The following SLC26A7 variants were observed in gnomAD, a reference collection of about 807,000 sequenced individuals.
SLC26A7 encodes the protein solute carrier family 26 member 7.
Under a neutral mutation model 82.5 loss-of-function variants are expected in SLC26A7, and 59 were observed. The ratio of observed to expected loss-of-function variants is 0.72; its 90% CI spans 0.58 to 0.89. The LOEUF (loss-of-function observed/expected upper bound fraction) is 0.89. Among genes scored for constraint, SLC26A7 ranks in the 40% least tolerant of loss-of-function variants. SLC26A7 has a pLI of 0.00. For synonymous variants in SLC26A7, 271 were observed against 274.3 expected, an observed-to-expected ratio of 0.99 and a Z score of 0.12; for missense variants, 820 against 793.0, an observed-to-expected ratio of 1.03 and a Z score of -0.41.
At chr8:91,226,507 GCTT>G (rs1810241790) in intron 2 of SLC26A7, among the ~76,000 whole-genome samples, 1 of 152,064 alleles carries the variant, frequency 6.6e-6, no homozygotes, top group East Asian at 1.9e-4. Flanking sequence ...TATAATAATG[GCTT>G]CTTATGATTA....
rs113443959 is a variant in SLC26A7, at chr8:91,286,602, G to C, written c.194-2534G>C. On this transcript the variant is annotated intron_variant, in intron 2 of 18. Transcript: ENST00000276609. ...AGATTAAGTTACATAAGTATCTGTC[G>C]GCATTTGCAATATTTTTCCCCGAAA... Among the ~76,000 whole-genome samples, 212 of 152,080 alleles carry C rather than the reference G, an allele frequency of 1.4e-3. 2 individuals carry two copies. The highest frequency in any genetic ancestry group is 5.0e-3 in the African/African-American group (209 of 41,462).
At chr8:91,286,941 T>C (rs552997735) in intron 2 of SLC26A7, among the ~76,000 whole-genome samples, 3 of 152,296 alleles carry the variant, frequency 2.0e-5, no homozygotes, top group African/African-American at 7.2e-5. Flanking sequence ...TTGTAGTTCT[T>C]ATTTGTGGAA....
In SLC26A7 at chr8:91,325,064, T is replaced by C. The variant is rs1357950524; in HGVS notation, c.642+6684T>C. Among the ~76,000 whole-genome samples the C allele has an allele frequency of 7.2e-5, 11 of 152,314 alleles. No individual in the cohort carries two copies. In the East Asian group the frequency reaches 2.1e-3, roughly 29 times the overall value. On this transcript the variant is annotated intron_variant, in intron 5 of 18. Coordinates refer to ENST00000276609, the MANE Select transcript of SLC26A7 (RefSeq NM_052832.4). Reference sequence around the variant, plus strand: ...GAGGTTTGGCTACAAGACCAGACCCTACTCTTGTTTTATATGTGTAGCTGG... The same window carrying C: ...GAGGTTTGGCTACAAGACCAGACCCCACTCTTGTTTTATATGTGTAGCTGG...
chr8:91,289,320 C>T (rs1291169413), intron 3 of SLC26A7, 74 bp downstream of exon 3: 11 of 1,161,110 alleles, frequency 9.5e-6, no homozygotes, highest in Non-Finnish European at 1.4e-5. Context: ...ATTACATCTC[C>T]TTAGCAGTGT....
chr8:91,237,548 T>C lies in SLC26A7; in HGVS notation c.-33-12071T>C, dbSNP rs1159277187. Reference sequence around the variant, plus strand: ...CTGTAATCAGTGCCCTTTATCCCTTTACTTCTTACCTCTTTCCAGACTTGC... The same window carrying C: ...CTGTAATCAGTGCCCTTTATCCCTTCACTTCTTACCTCTTTCCAGACTTGC... On this transcript the variant is annotated intron_variant, in intron 2 of 5. Coordinates refer to the SLC26A7 transcript ENST00000522862. 2.6e-5 allele frequency among the ~76,000 whole-genome samples: 4 copies of C among 152,176 alleles called. No individual in the cohort carries two copies. In the East Asian group the frequency reaches 5.8e-4, roughly 22 times the overall value.
At chr8:91,310,029 AAGCTGCTGATCACC>A (rs1168506520) in intron 4 of SLC26A7, among the ~76,000 whole-genome samples, 1 of 152,126 alleles carries the variant, frequency 6.6e-6, no homozygotes, top group Admixed American at 6.5e-5. Flanking sequence ...TATTAGCGAG[AAGCTGCTGATCACC>A]AGTGTCAGGT....
At chr8:91,316,393 C>T (rs1362842019) in intron 4 of SLC26A7, among the ~76,000 whole-genome samples, 2 of 150,872 alleles carry the variant, frequency 1.3e-5, no homozygotes, top group Non-Finnish European at 2.9e-5. Flanking sequence ...GGCCATCCTT[C>T]CACCTCAGCC....
upstream of SLC26A7, among the ~76,000 whole-genome samples, chr8:91,245,533 T>G (rs1810533485): frequency 6.6e-6 from 1 of 152,150 alleles, no homozygotes; most frequent in African/African-American, 2.4e-5. Context: ...TGGGAGCCTT[T>G]TACAGTGTCT....
intron 9 of SLC26A7, chr8:91,348,191 T>C: frequency 2.8e-6 from 1 of 352,464 alleles, no homozygotes; most frequent in Non-Finnish European, 4.0e-6. Context: ...ATTGCTTTCA[T>C]CTCCTTTAAA....
At chr8:91,345,291 A>T (rs74878646) in intron 9 of SLC26A7, among the ~76,000 whole-genome samples, 4,330 of 152,156 alleles carry the variant, frequency 0.028, 208 homozygotes, top group African/African-American at 0.099. Flanking sequence ...GAGTGAATGT[A>T]TTAGGTTTCT....
chr8:91,357,958 T>C (rs7816678), intron 11 of SLC26A7, among the ~76,000 whole-genome samples: 68,829 of 151,974 alleles, frequency 0.45, 17,188 homozygotes, highest in African/African-American at 0.65. Context: ...AGGACATGAA[T>C]AGACACTTCT....
chr8:91,290,838 C>A (rs1050507550), intron 3 of SLC26A7, among the ~76,000 whole-genome samples: 1 of 152,080 alleles, frequency 6.6e-6, no homozygotes. Flanking sequence ...CTTTTTAAAT[C>A]AATTAATTTT....
At chr8:91,386,096 A>G (rs1361169299) in intron 15 of SLC26A7, among the ~76,000 whole-genome samples, 1 of 152,144 alleles carries the variant, frequency 6.6e-6, no homozygotes, top group Non-Finnish European at 1.5e-5. Context: ...TTCATTAGCC[A>G]TGTTTGCCAT....
intron 2 of SLC26A7, among the ~76,000 whole-genome samples, chr8:91,281,358 A>G (rs933249614): frequency 3.9e-5 from 6 of 152,162 alleles, no homozygotes; most frequent in East Asian, 1.9e-4. Context: ...CCATAGTACA[A>G]TTGTGCAGAA....
chr8:91,290,250 T>C (rs1811827625), intron 3 of SLC26A7, among the ~76,000 whole-genome samples: 1 of 152,210 alleles, frequency 6.6e-6, no homozygotes, highest in African/African-American at 2.4e-5. Flanking sequence ...ATTTCTTCAA[T>C]GGTCATTTTG....
chr8:91,332,491 TACACACACAC>T lies in SLC26A7; in HGVS notation c.643-1770_643-1761del, dbSNP rs34306717. Among the ~76,000 whole-genome samples the T allele has an allele frequency of 2.6e-3, 323 of 125,202 alleles. 1 individual carries two copies. Among genetic ancestry groups the T allele is most frequent in the African/African-American group, 8.3e-3 (278 of 33,466 alleles). The allele number at this position is 125,202 out of a possible 152,430, so 82.1% of individuals were successfully genotyped here. On this transcript the variant is annotated intron_variant, in intron 5 of 18. Coordinates refer to ENST00000276609, the MANE Select transcript of SLC26A7 (RefSeq NM_052832.4). ...ATATATATTCTGTATATATATTTAA[TACACACACAC>T]ACACACACACACACACACACACACA...
intron 2 of SLC26A7, among the ~76,000 whole-genome samples, chr8:91,279,277 C>T (rs533778611): frequency 2.0e-5 from 3 of 151,106 alleles, no homozygotes; most frequent in South Asian, 2.1e-4. Flanking sequence ...GGTATCTTTT[C>T]GATATACTGA....
At chr8:91,218,999 A>G (rs746731291) in exon 2 of SLC26A7, 27 of 1,523,720 alleles carry the variant, frequency 1.8e-5, no homozygotes, top group Non-Finnish European at 2.0e-5. Flanking sequence ...GCTCAGGTGT[A>G]GAACAGGTGA....
chr8:91,274,477 A>T (rs1387359431), intron 2 of SLC26A7, among the ~76,000 whole-genome samples: 1 of 152,248 alleles, frequency 6.6e-6, no homozygotes, highest in African/African-American at 2.4e-5. Flanking sequence ...AGAGAGCAAG[A>T]GAATGAGAAA....
Sources: allele counts gnomAD v4.1 joint callset (sites outside exome capture counted in the v4.1 genomes callset), GRCh38; gene constraint gnomAD v4.1.1; transcripts MANE v1.5; gene names NCBI Gene and HGNC (gene_info 2026-07-23, HGNC 2026-07-21).